Variants in DAD1 observed in about 807,000 individuals in gnomAD.
The protein encoded by DAD1 is defender against cell death 1.
A neutral mutation model predicts 9.0 loss-of-function variants in DAD1; 4 were observed. The ratio of observed to expected loss-of-function variants is 0.44; its 90% CI spans 0.22 to 1.01. The LOEUF (loss-of-function observed/expected upper bound fraction) is 1.01. DAD1 is among the 50% of genes least tolerant of loss of function. The probability of loss-of-function intolerance (pLI) is 0.24; values close to 1 mark genes in which losing one functional copy is unlikely to be tolerated. For missense variants in DAD1, 119 were observed against 137.3 expected (o/e 0.87, Z 0.67); for synonymous variants, 60 against 62.5 (o/e 0.96, Z 0.19).
chr14:22,584,330 C>T (rs5742757), intron 1 of DAD1, among the ~76,000 whole-genome samples: 5,768 of 152,118 alleles, frequency 0.038, 418 homozygotes, highest in African/African-American at 0.13. Flanking sequence ...AAATACAGCA[C>T]AATGCCATAT....
At chr14:22,588,155 C>A (rs1442088140) in intron 1 of DAD1, among the ~76,000 whole-genome samples, 1 of 152,200 alleles carries the variant, frequency 6.6e-6, no homozygotes, top group East Asian at 1.9e-4. Context: ...GAAAATACAA[C>A]TGATGACCTG....
intron 1 of DAD1, among the ~76,000 whole-genome samples, chr14:22,586,204 A>AG (rs1350661573): frequency 6.6e-6 from 1 of 151,712 alleles, no homozygotes; most frequent in Non-Finnish European, 1.5e-5. Context: ...CGTCTCAAAA[A>AG]AAAAAAAAAA....
chr14:22,578,346 C>T lies in DAD1; in HGVS notation c.212-3113G>A, dbSNP rs984421163. 8.5e-5 allele frequency among the ~76,000 whole-genome samples: 13 copies of T among 152,274 alleles called. No individual in the cohort carries two copies. In the South Asian group the frequency reaches 2.1e-3, roughly 24 times the overall value. On this transcript the variant is annotated intron_variant, in intron 1 of 2. Transcript: ENST00000250498. ...TTGGGAGGCCAAGGTGGGTGGATCA[C>T]CTAAGGTCAGGAGTTCAAGACCAGC...
intron 1 of DAD1, among the ~76,000 whole-genome samples, chr14:22,581,685 G>A (rs928815730): frequency 6.0e-5 from 8 of 133,542 alleles, no homozygotes; most frequent in Non-Finnish European, 1.2e-4. Flanking sequence ...GGAAGTTGCA[G>A]TAAGCCGAGA....
intron 1 of DAD1, among the ~76,000 whole-genome samples, chr14:22,578,261 A>G (rs1292757130): frequency 6.8e-6 from 1 of 147,686 alleles, no homozygotes; most frequent in East Asian, 2.0e-4. Flanking sequence ...CTAAAAAAAA[A>G]AAAATTAAAA....
chr14:22,570,873 C>T (rs771138543), intron 2 of DAD1, among the ~76,000 whole-genome samples: 3 of 152,296 alleles, frequency 2.0e-5, no homozygotes, highest in Non-Finnish European at 2.9e-5. Flanking sequence ...AAGGTTTTGT[C>T]CCTTTGGGCC....
chr14:22,571,771 A>G (rs992726918), intron 2 of DAD1, among the ~76,000 whole-genome samples: 21 of 151,842 alleles, frequency 1.4e-4, no homozygotes, highest in Non-Finnish European at 2.9e-4. Context: ...CTGGGATTAC[A>G]GGCACCGGCC....
In DAD1 at chr14:22,583,501, A is replaced by C. The variant is rs566750461; in HGVS notation, c.211+5446T>G. On this transcript the variant is annotated intron_variant, in intron 1 of 2. Coordinates refer to ENST00000250498, the MANE Select transcript of DAD1 (RefSeq NM_001344.4). ...GACAGACCAATACCAAGAGTGGGTT[A>C]AGGAATGAATAGTTAAGGGAGGAAG... Among the ~76,000 whole-genome samples, 11 of 152,276 alleles carry C rather than the reference A, an allele frequency of 7.2e-5. No homozygotes were observed. The East Asian group carries it at 1.5e-3, about 21-fold the overall frequency.
rs141878056 is a variant in DAD1, at chr14:22,584,313, G to A, written c.211+4634C>T. Among the ~76,000 whole-genome samples, 364 of 152,218 alleles carry A rather than the reference G, an allele frequency of 2.4e-3. 2 individuals carry two copies. The highest frequency in any genetic ancestry group is 8.4e-3 in the African/African-American group (347 of 41,502). ...GGGCTCACCTTCCAGAGAGAAGGCAGACACCCAAATACAGCACAATGCCAT... is the reference window on the plus strand; with the variant it reads ...GGGCTCACCTTCCAGAGAGAAGGCAAACACCCAAATACAGCACAATGCCAT... On this transcript the variant is annotated intron_variant, in intron 1 of 2. Transcript: ENST00000250498.
intron 1 of DAD1, among the ~76,000 whole-genome samples, chr14:22,586,402 G>T (rs5742748): frequency 6.6e-6 from 1 of 151,896 alleles, no homozygotes; most frequent in Non-Finnish European, 1.5e-5. Flanking sequence ...AAAATTCGCC[G>T]GGCGTGGTGG....
chr14:22,588,824 A>G, intron 1 of DAD1, 123 bp downstream of exon 1: 2 of 978,536 alleles, frequency 2.0e-6, no homozygotes, highest in South Asian at 3.4e-5. Context: ...ATTCACAACA[A>G]AAGGGCAATG....
rs376310580 is a variant in DAD1, at chr14:22,574,175, G to A, written c.*44+884C>T. On this transcript the variant is annotated intron_variant, in intron 2 of 2. Transcript: ENST00000250498. ...GAAGGAGTACGGGGCCAAGAACACC[G>A]CTAGACTAGGGCACTTCACTGCAAA... Among the ~76,000 whole-genome samples, 15 of 152,278 alleles carry A rather than the reference G, an allele frequency of 9.9e-5. No homozygotes were observed. The East Asian group carries it at 1.7e-3, about 18-fold the overall frequency.
rs1267087351 is a variant in DAD1 at position 22,575,020 on chromosome 14, A to C, written c.*44+39T>G. 5 of 1,528,040 alleles carry C rather than the reference A, an allele frequency of 3.3e-6. No homozygotes were observed. The African/African-American group carries it at 6.9e-5, about 21-fold the overall frequency. 94.7% of individuals were successfully genotyped at this position (1,528,040 alleles called of 1,614,324 possible). A position where few individuals can be genotyped will look rare whatever the true frequency, so the allele number is the denominator to read the frequency against. On this transcript the variant is annotated intron_variant, in intron 2 of 2. Transcript: ENST00000250498. ...AGTCCCATCCAATTTCTCTTCCTAA[A>C]ATCAACATTATAGGACAAGGACTAT...
At chr14:22,582,497 C>G (rs943450256) in intron 1 of DAD1, among the ~76,000 whole-genome samples, 1 of 152,044 alleles carries the variant, frequency 6.6e-6, no homozygotes, top group Admixed American at 6.5e-5. Flanking sequence ...GCACTCCAGC[C>G]TGGGCAACAG....
intron 1 of DAD1, among the ~76,000 whole-genome samples, chr14:22,581,382 C>T (rs534494199): frequency 6.6e-6 from 1 of 152,122 alleles, no homozygotes; most frequent in African/African-American, 2.4e-5. Flanking sequence ...AGATAAGGAA[C>T]CAACCATGTA....
intron 1 of DAD1, among the ~76,000 whole-genome samples, chr14:22,579,227 A>C (rs1241991141): frequency 6.6e-6 from 1 of 152,062 alleles, no homozygotes; most frequent in Non-Finnish European, 1.5e-5. Flanking sequence ...TGACAAAAAA[A>C]AAAAAACAGG....
intron 1 of DAD1, among the ~76,000 whole-genome samples, chr14:22,580,811 T>A (rs1489394552): frequency 6.6e-6 from 1 of 152,154 alleles, no homozygotes; most frequent in Non-Finnish European, 1.5e-5. Flanking sequence ...CGTGGGAAGC[T>A]TTCCAAAGTA....
rs181947025 is a variant in DAD1 at position 22,573,526 on chromosome 14, C to T, written c.*44+1533G>A. On this transcript the variant is annotated intron_variant, in intron 2 of 2. Coordinates refer to ENST00000250498, the MANE Select transcript of DAD1 (RefSeq NM_001344.4). ...TCAGGAGATCGAGATCATCCTAACA[C>T]GGTGAAACTCCGTCTCTACTAAAAA... Among the ~76,000 whole-genome samples the T allele has an allele frequency of 3.7e-3, 557 of 151,874 alleles. 3 individuals are homozygous for T. Among genetic ancestry groups the T allele is most frequent in the African/African-American group, 0.013 (526 of 41,462 alleles).
chr14:22,583,489 C>G (rs1182681753), intron 1 of DAD1, among the ~76,000 whole-genome samples: 1 of 152,012 alleles, frequency 6.6e-6, no homozygotes, highest in Non-Finnish European at 1.5e-5. Flanking sequence ...AGACCAATAC[C>G]AAGAGTGGGT....
Sources: gnomAD v4.1 joint callset for allele counts (sites outside exome capture counted in the v4.1 genomes callset) on GRCh38, gnomAD v4.1.1 for gene constraint, MANE v1.5 for transcripts, NCBI Gene and HGNC (gene_info 2026-07-23, HGNC 2026-07-21) for gene names.